Variants in MVB12B observed in about 807,000 individuals in gnomAD.
MVB12B encodes the protein ESCRT-I complex subunit MVB12B.
Under a neutral mutation model 41.6 loss-of-function variants are expected in MVB12B, and 16 were observed. The observed-to-expected ratio is 0.38, with a 90% CI of 0.26 to 0.58. MVB12B has a LOEUF of 0.58. Among genes scored for constraint, MVB12B ranks in the 20% least tolerant of loss-of-function variants. The pLI, the probability that MVB12B is intolerant of heterozygous loss-of-function variation, is 0.62. For synonymous variants in MVB12B, 133 were observed against 139.7 expected (o/e 0.95, Z 0.34); for missense variants, 274 against 380.2 (o/e 0.72, Z 2.32).
chr9:126,412,081 C>T (rs972630278), intron 6 of MVB12B, among the ~76,000 whole-genome samples: 1 of 152,154 alleles, frequency 6.6e-6, no homozygotes, highest in Non-Finnish European at 1.5e-5. Flanking sequence ...TGGTCAGGGA[C>T]CTCTTTCTGA....
chr9:126,497,327 C>A (rs187893864), intron 9 of MVB12B, among the ~76,000 whole-genome samples: 1 of 152,112 alleles, frequency 6.6e-6, no homozygotes, highest in African/African-American at 2.4e-5. Flanking sequence ...ACCATCTGGG[C>A]GGGCTGTTAG....
At chr9:126,438,035 T>C (rs1226715573) in intron 7 of MVB12B, among the ~76,000 whole-genome samples, 3 of 152,260 alleles carry the variant, frequency 2.0e-5, no homozygotes, top group Non-Finnish European at 4.4e-5. Context: ...TTCATTACTG[T>C]GTCCCTAATA....
At chr9:126,352,875 T>C (rs1352625533) in intron 2 of MVB12B, among the ~76,000 whole-genome samples, 1 of 152,218 alleles carries the variant, frequency 6.6e-6, no homozygotes, top group East Asian at 1.9e-4. Context: ...GCCTTAATAT[T>C]ATATATATAG....
At position 126,333,292 on chromosome 9, in the gene MVB12B, G is replaced by A. The variant is rs1341440378; in HGVS notation, c.81+6282G>A. Among the ~76,000 whole-genome samples, 1 of 152,140 alleles carries A rather than the reference G, an allele frequency of 6.6e-6. No individual in the cohort carries two copies. Among genetic ancestry groups the A allele is most frequent in the Non-Finnish European group, 1.5e-5 (1 of 68,032 alleles). ...AGTAAAGACAGGATTTCACCATATG[G>A]GCCAGGCTGGTCTCGAACTCCTGAC... On this transcript the variant is annotated intron_variant, in intron 1 of 9. Coordinates refer to ENST00000361171, the MANE Select transcript of MVB12B (RefSeq NM_033446.3). The surrounding 1 kb of genome is among the most constrained non-coding windows in gnomAD (Gnocchi z 4.7).
Position 126,503,908 on chromosome 9 carries a change from G to A in MVB12B, c.*645G>A, listed in dbSNP as rs3739566. 0.2 allele frequency: 29,722 copies of A among 152,380 alleles called. 3,007 individuals carry two copies. The highest frequency in any genetic ancestry group is 0.29 in the Middle Eastern group (84 of 294). The allele number at this position is 152,380 out of a possible 1,614,324, so 9.4% of individuals were successfully genotyped here. On this transcript the variant is annotated 3_prime_UTR_variant, in exon 10 of 10. Coordinates refer to ENST00000361171, the MANE Select transcript of MVB12B (RefSeq NM_033446.3). Reference sequence around the variant, plus strand: ...GTCGGGGAGCAGCACCCCTGCCCCCGGTGGAGGGGTTGTTGCTTTCTGGGG... The same window carrying A: ...GTCGGGGAGCAGCACCCCTGCCCCCAGTGGAGGGGTTGTTGCTTTCTGGGG...
intron 2 of MVB12B, among the ~76,000 whole-genome samples, chr9:126,348,674 G>A (rs1039428588): frequency 1.3e-5 from 2 of 152,106 alleles, no homozygotes; most frequent in African/African-American, 4.8e-5. Flanking sequence ...ATAATGAAAC[G>A]TCAATTAATT....
intron 7 of MVB12B, among the ~76,000 whole-genome samples, chr9:126,430,800 GGTT>G (rs920508479): frequency 5.9e-5 from 9 of 152,296 alleles, no homozygotes; most frequent in African/African-American, 2.2e-4. Flanking sequence ...CAGTTGCCAA[GGTT>G]GTGCACTGCA....
chr9:126,379,948 TG>T (rs1830589007), intron 2 of MVB12B, among the ~76,000 whole-genome samples: 1 of 152,232 alleles, frequency 6.6e-6, no homozygotes, highest in Non-Finnish European at 1.5e-5. Context: ...TCCAGCCATT[TG>T]TCAGGATGGG....
At chr9:126,433,023 G>T (rs1235876294) in intron 7 of MVB12B, among the ~76,000 whole-genome samples, 1 of 152,156 alleles carries the variant, frequency 6.6e-6, no homozygotes, top group East Asian at 1.9e-4. Flanking sequence ...AAAAGGAATA[G>T]GGGGTGTGGC....
chr9:126,408,501 G>A (rs568875419), intron 6 of MVB12B: 2 of 152,184 alleles, frequency 1.3e-5, no homozygotes, highest in Admixed American at 1.3e-4. Flanking sequence ...TCTGCCTGGC[G>A]ATCCACTTCC....
chr9:126,331,266 G>A (rs895845474), intron 1 of MVB12B, among the ~76,000 whole-genome samples: 3 of 152,128 alleles, frequency 2.0e-5, no homozygotes, highest in East Asian at 1.9e-4. Context: ...ACATGCTTGC[G>A]AACAGTTATT....
chr9:126,460,029 A>G (rs556083483), intron 7 of MVB12B, among the ~76,000 whole-genome samples: 4 of 152,200 alleles, frequency 2.6e-5, no homozygotes, highest in Non-Finnish European at 5.9e-5. Flanking sequence ...GCAGTGTTCT[A>G]TAACTCAGTC....
chr9:126,446,815 G>T, intron 7 of MVB12B, among the ~76,000 whole-genome samples: 1 of 148,616 alleles, frequency 6.7e-6, no homozygotes, highest in African/African-American at 2.5e-5. Context: ...TCTTTTTCTT[G>T]GTTGATTTAT....
At chr9:126,487,965 A>T (rs185453431) in intron 9 of MVB12B, among the ~76,000 whole-genome samples, 2 of 152,320 alleles carry the variant, frequency 1.3e-5, no homozygotes, top group East Asian at 3.9e-4. Context: ...TATACCAGCC[A>T]TTGGCATGCA....
intron 2 of MVB12B, among the ~76,000 whole-genome samples, chr9:126,362,713 C>T (rs111778860): frequency 1.1e-4 from 16 of 152,296 alleles, no homozygotes; most frequent in Non-Finnish European, 2.2e-4. Context: ...ATTTTTACAT[C>T]GTACAAACTA....
At chr9:126,476,794 G>A (rs937532390) in intron 7 of MVB12B, among the ~76,000 whole-genome samples, 12 of 148,146 alleles carry the variant, frequency 8.1e-5, no homozygotes, top group Non-Finnish European at 1.2e-4. Context: ...GGAGAATGAC[G>A]TGAACCCAGG....
At chr9:126,475,111 G>A (rs926311190) in intron 7 of MVB12B, among the ~76,000 whole-genome samples, 2 of 150,104 alleles carry the variant, frequency 1.3e-5, no homozygotes, top group South Asian at 2.1e-4. Context: ...TTGGGTTTTC[G>A]GACCTACACT....
intron 7 of MVB12B, among the ~76,000 whole-genome samples, chr9:126,440,921 A>G (rs550398643): frequency 3.3e-5 from 5 of 152,362 alleles, no homozygotes; most frequent in African/African-American, 9.6e-5. Flanking sequence ...GTCATCAGAG[A>G]GTAATGGTGT....
chr9:126,390,951 C>CA (rs1214109113), intron 4 of MVB12B, among the ~76,000 whole-genome samples: 5,772 of 76,356 alleles, frequency 0.076, 245 homozygotes, highest in East Asian at 0.21. Flanking sequence ...GACTCCATCT[C>CA]AAAAAAAAAA....
Sources: allele counts gnomAD v4.1 joint callset (sites outside exome capture counted in the v4.1 genomes callset), GRCh38; gene constraint gnomAD v4.1.1; non-coding constraint Gnocchi (gnomAD v3.1); transcripts MANE v1.5; gene names NCBI Gene and HGNC (gene_info 2026-07-23, HGNC 2026-07-21).